The following GLDC variants were observed in gnomAD, a reference collection of about 807,000 sequenced individuals.
GLDC encodes glycine decarboxylase, also known as glycine dehydrogenase (decarboxylating), mitochondrial.
A neutral mutation model predicts 121.3 loss-of-function variants in GLDC; 104 were observed. That is an observed-to-expected ratio of 0.86 (90% CI 0.73 to 1.01). GLDC has a LOEUF of 1.01. Ranked by LOEUF, GLDC falls within the 50% of genes least tolerant of loss-of-function variation. The pLI, the probability that GLDC is intolerant of heterozygous loss-of-function variation, is 0.00. For missense variants in GLDC, 1,429 were observed against 1,306.6 expected, an observed-to-expected ratio of 1.09 and a Z score of -1.44; for synonymous variants, 546 against 480.6, an observed-to-expected ratio of 1.14 and a Z score of -1.78.
intron 19 of GLDC, 25 bp downstream of exon 19, chr9:6,554,644 C>A: frequency 1.3e-6 from 2 of 1,520,692 alleles, no homozygotes; most frequent in Non-Finnish European, 1.8e-6. Context: ...CAAAGCCATC[C>A]TGAAACCAGC....
Position 6,633,539 on chromosome 9 carries a change from T to A in GLDC, c.334+11075A>T, listed in dbSNP as rs567467188. Among the ~76,000 whole-genome samples, 5 of 152,268 alleles carry A rather than the reference T, an allele frequency of 3.3e-5. No individual in the cohort carries two copies. In the South Asian group the frequency reaches 6.2e-4, roughly 19 times the overall value. On this transcript the variant is annotated intron_variant, in intron 2 of 24. Transcript: ENST00000321612. Reference sequence around the variant, plus strand: ...CTTCTCCCTGTTCCCCCTCTGTTAATCAATGACATCAACATCACTACCCCA... The same window carrying A: ...CTTCTCCCTGTTCCCCCTCTGTTAAACAATGACATCAACATCACTACCCCA...
At chr9:6,537,219 A>G (rs1817146664) in intron 22 of GLDC, among the ~76,000 whole-genome samples, 2 of 152,124 alleles carry the variant, frequency 1.3e-5, no homozygotes, top group Admixed American at 1.3e-4. Flanking sequence ...TTGCATAGAC[A>G]GAGTTTCACC....
intron 15 of GLDC, among the ~76,000 whole-genome samples, chr9:6,569,914 T>C (rs1294630374): frequency 1.3e-5 from 2 of 152,134 alleles, no homozygotes; most frequent in East Asian, 1.9e-4. Flanking sequence ...AGGTGGAGGC[T>C]GCAGTGATGT....
rs770620676 is a variant in GLDC, at chr9:6,556,133, C to A, written c.2202+20G>T. 6.3e-7 allele frequency: 1 copy of A among 1,596,852 alleles called. No homozygotes were observed. Among genetic ancestry groups the A allele is most frequent in the African/African-American group, 1.3e-5 (1 of 74,484 alleles). ...CCATTTTCTCAGTGGGAACTAAGGGCGGGCCTCTTCAGTTCCCACCTGAGC... is the reference window on the plus strand; with the variant it reads ...CCATTTTCTCAGTGGGAACTAAGGGAGGGCCTCTTCAGTTCCCACCTGAGC... On this transcript the variant is annotated intron_variant, in intron 18 of 24. Transcript: ENST00000321612.
intron 2 of GLDC, among the ~76,000 whole-genome samples, chr9:6,623,522 G>A (rs573911223): frequency 1.3e-4 from 19 of 150,496 alleles, no homozygotes; most frequent in African/African-American, 3.9e-4. Context: ...AGAGACCTTT[G>A]TTCACTTGTT....
intron 15 of GLDC, chr9:6,567,046 C>T (rs745477276): frequency 4.0e-5 from 6 of 151,326 alleles, no homozygotes; most frequent in Admixed American, 1.3e-4. Context: ...TCTCCAAGGA[C>T]GGAGAGTTGT....
chr9:6,559,019 T>C (rs1034284099), intron 16 of GLDC, among the ~76,000 whole-genome samples: 8 of 152,168 alleles, frequency 5.3e-5, no homozygotes, highest in African/African-American at 1.9e-4. Context: ...TAGAAGAACA[T>C]GAGACTGGAA....
chr9:6,535,318 G>C (rs1004381988), intron 23 of GLDC, among the ~76,000 whole-genome samples: 10 of 151,550 alleles, frequency 6.6e-5, no homozygotes, highest in African/African-American at 2.4e-4. Flanking sequence ...TGTCTTCAGA[G>C]AGAAAAGAGT....
intron 8 of GLDC, among the ~76,000 whole-genome samples, chr9:6,598,578 C>T (rs1198139856): frequency 1.3e-5 from 2 of 152,132 alleles, no homozygotes; most frequent in African/African-American, 4.8e-5. Flanking sequence ...AGACCTACAG[C>T]ACAAAAGGAA....
At chr9:6,622,529 C>A (rs1417020180) in intron 2 of GLDC, among the ~76,000 whole-genome samples, 1 of 152,204 alleles carries the variant, frequency 6.6e-6, no homozygotes, top group Non-Finnish European at 1.5e-5. Flanking sequence ...CAGACAGAGT[C>A]TCGTTCACTC....
chr9:6,589,274 T>C lies in GLDC; in HGVS notation c.1501A>G (p.Met501Val), dbSNP rs748216955. 50 of 1,607,646 alleles carry C rather than the reference T, an allele frequency of 3.1e-5. No homozygotes were observed. Among genetic ancestry groups the C allele is most frequent in the Non-Finnish European group, 3.9e-5 (46 of 1,174,058 alleles). ...GGAATACCTCTGCACTCCTCTCCCA[T>C]GCTTTCAGCAACCAGTTCCTGAAGG... is the stretch of plus-strand genomic sequence containing the variant. Reference protein sequence around the residue: ...ESSAELVAESMGEECRGIPGS... With the variant: ...ESSAELVAESVGEECRGIPGS... Residue 501 changes from methionine to valine, a missense_variant, in exon 12 of 25, where the codon ATG becomes GTG. Coordinates refer to ENST00000321612, the MANE Select transcript of GLDC (RefSeq NM_000170.3).
intron 15 of GLDC, among the ~76,000 whole-genome samples, chr9:6,579,858 G>C (rs1818141579): frequency 6.6e-6 from 1 of 152,184 alleles, no homozygotes; most frequent in Non-Finnish European, 1.5e-5. Flanking sequence ...GTCCAGTGAA[G>C]TGTGCAACTA....
At chr9:6,629,552 A>C (rs930902577) in intron 2 of GLDC, among the ~76,000 whole-genome samples, 1 of 152,072 alleles carries the variant, frequency 6.6e-6, no homozygotes, top group Non-Finnish European at 1.5e-5. Flanking sequence ...CAAGAACTGG[A>C]AAAATGTCAT....
intron 2 of GLDC, among the ~76,000 whole-genome samples, chr9:6,640,500 C>G (rs1248786830): frequency 6.6e-6 from 1 of 152,226 alleles, no homozygotes; most frequent in Non-Finnish European, 1.5e-5. Context: ...TTACACAATG[C>G]TCCCTCCCTC....
intron 20 of GLDC, among the ~76,000 whole-genome samples, 154 bp from the exon 21 acceptor site, chr9:6,551,068 G>C (rs760125752): frequency 2.0e-5 from 3 of 152,116 alleles, no homozygotes; most frequent in Non-Finnish European, 4.4e-5. Flanking sequence ...TTCCAACAAG[G>C]ATATCTGTCA....
intron 7 of GLDC, among the ~76,000 whole-genome samples, chr9:6,602,806 G>A (rs1477617369): frequency 6.6e-6 from 1 of 151,940 alleles, no homozygotes; most frequent in East Asian, 1.9e-4. Flanking sequence ...AGGAGACACA[G>A]GAAAAGTGGA....
chr9:6,565,290 G>T lies in GLDC; in HGVS notation c.1926+64C>A, dbSNP rs904975235. The stretch of plus-strand genomic sequence containing the variant: ...GCTTGGAGGGAGTGTCCCACAGAAG[G>T]GACCCTGAGAGCCAGGACCTCTGTG... On this transcript the variant is annotated intron_variant, in intron 16 of 24. Coordinates refer to ENST00000321612, the MANE Select transcript of GLDC (RefSeq NM_000170.3). 15 of 1,127,418 alleles carry T rather than the reference G, an allele frequency of 1.3e-5. No individual in the cohort carries two copies. In the African/African-American group the frequency reaches 2.0e-4, roughly 15 times the overall value. 69.8% of individuals were successfully genotyped at this position (1,127,418 alleles called of 1,614,324 possible).
intron 15 of GLDC, among the ~76,000 whole-genome samples, chr9:6,584,401 C>T (rs747715304): frequency 2.0e-5 from 3 of 152,202 alleles, no homozygotes; most frequent in Non-Finnish European, 2.9e-5. Flanking sequence ...CTAGATTTCA[C>T]TGGACTCTAG....
chr9:6,536,032 A>G, intron 23 of GLDC, 32 bp downstream of exon 23: 3 of 1,587,994 alleles, frequency 1.9e-6, no homozygotes, highest in Non-Finnish European at 2.6e-6. Flanking sequence ...AGTTTAAGGA[A>G]CATTTCAAGC....
Sources: gnomAD v4.1 joint callset for allele counts (sites outside exome capture counted in the v4.1 genomes callset) on GRCh38, gnomAD v4.1.1 for gene constraint, MANE v1.5 for transcripts, NCBI Gene and HGNC (gene_info 2026-07-23, HGNC 2026-07-21) for gene names.